Variants in BLTP1 observed in about 807,000 individuals in gnomAD.
BLTP1 encodes the protein bridge-like lipid transfer protein family member 1.
chr4:122,224,504 C>T, the BLTP1 span: 3 of 1,610,166 alleles, frequency 1.9e-6, no homozygotes, highest in East Asian at 4.5e-5. Context: ...TCAGCAGCGA[C>T]CCCCTGTGGA....
At chr4:122,274,994 G>A in the BLTP1 span, among the ~76,000 whole-genome samples, 4 of 152,052 alleles carry the variant, frequency 2.6e-5, no homozygotes, top group South Asian at 8.3e-4. Flanking sequence ...CTCAGACAGG[G>A]CCCATTCTCA....
the BLTP1 span, chr4:122,334,473 C>T: frequency 1.9e-6 from 3 of 1,612,754 alleles, no homozygotes; most frequent in South Asian, 3.3e-5. Flanking sequence ...TCCTCCTTCT[C>T]CTCCTTTACC....
the BLTP1 span, chr4:122,351,436 A>C: frequency 6.4e-6 from 1 of 156,890 alleles, no homozygotes; most frequent in African/African-American, 2.4e-5. Context: ...CCATTTTGCT[A>C]ATTATCTCCT....
the BLTP1 span, chr4:122,156,141 A>G: frequency 5.8e-6 from 1 of 173,352 alleles, no homozygotes; most frequent in African/African-American, 2.4e-5. Flanking sequence ...GGTCCATTAA[A>G]TCTGAGGCAT....
the BLTP1 span, chr4:122,189,244 C>T: frequency 6.5e-6 from 6 of 924,684 alleles, no homozygotes; most frequent in Non-Finnish European, 7.7e-6. Context: ...AAAAAAATTG[C>T]AAGTTTTTGC....
chr4:122,190,517 G>A, the BLTP1 span: 5 of 811,464 alleles, frequency 6.2e-6, no homozygotes, highest in Non-Finnish European at 7.4e-6. Context: ...GTAGATAAGA[G>A]TGAAAATATC....
the BLTP1 span, among the ~76,000 whole-genome samples, chr4:122,341,429 T>C: frequency 6.6e-6 from 1 of 152,222 alleles, no homozygotes; most frequent in Non-Finnish European, 1.5e-5. Flanking sequence ...GTGGTAAATA[T>C]ATGCCCATGC....
the BLTP1 span, chr4:122,309,354 T>C: frequency 6.2e-7 from 1 of 1,613,586 alleles, no homozygotes; most frequent in Non-Finnish European, 8.5e-7. Context: ...TCAGAGTCTC[T>C]GGTTAGCAAA....
At chr4:122,261,525 ATTCTGTAATTT>A in the BLTP1 span, 7 of 983,414 alleles carry the variant, frequency 7.1e-6, no homozygotes, top group Non-Finnish European at 8.5e-6. Flanking sequence ...AAATCGAAAA[ATTCTGTAATTT>A]TTAATTTTTT....
At chr4:122,342,372 T>C in the BLTP1 span, among the ~76,000 whole-genome samples, 4 of 151,668 alleles carry the variant, frequency 2.6e-5, no homozygotes, top group Admixed American at 6.6e-5. Context: ...ATTTTTTTTT[T>C]TGAGACTAAG....
the BLTP1 span, chr4:122,350,389 T>A: frequency 3.0e-6 from 3 of 985,052 alleles, no homozygotes; most frequent in Non-Finnish European, 3.6e-6. Flanking sequence ...AATATCTGAA[T>A]TTGGATTTAT....
the BLTP1 span, chr4:122,346,907 A>G: frequency 3.2e-5 from 44 of 1,376,912 alleles, no homozygotes; most frequent in Non-Finnish European, 3.9e-5. Context: ...TAATATGCCA[A>G]CCACAAGGGA....
the BLTP1 span, chr4:122,313,784 TA>T: frequency 2.9e-6 from 2 of 680,428 alleles, no homozygotes; most frequent in East Asian, 6.1e-5. Flanking sequence ...TGGTGTTCAC[TA>T]ATTTAAAAAA....
At chr4:122,274,463 AC>A in the BLTP1 span, 1 of 1,580,740 alleles carries the variant, frequency 6.3e-7, no homozygotes, top group East Asian at 2.3e-5. Context: ...TTATTTTCTT[AC>A]ACTTATAGTT....
At chr4:122,315,172 T>C in the BLTP1 span, among the ~76,000 whole-genome samples, 3 of 152,158 alleles carry the variant, frequency 2.0e-5, no homozygotes, top group Admixed American at 2.0e-4. Context: ...ATTAATTCTG[T>C]CTAATGAGCT....
chr4:122,216,532 C>T, the BLTP1 span, among the ~76,000 whole-genome samples: 13 of 152,182 alleles, frequency 8.5e-5, no homozygotes, highest in South Asian at 2.5e-3. Flanking sequence ...GAACATTTTT[C>T]GTATGTTTGT....
At chr4:122,175,726 A>G in the BLTP1 span, 31 of 634,466 alleles carry the variant, frequency 4.9e-5, no homozygotes, top group African/African-American at 3.0e-4. Flanking sequence ...ATGTATGCCA[A>G]TGTTCTTTTG....
the BLTP1 span, chr4:122,212,119 G>A: frequency 1.9e-5 from 18 of 970,754 alleles, no homozygotes; most frequent in Non-Finnish European, 2.1e-5. Flanking sequence ...GCACAATCAA[G>A]GTTTGTTAGT....
chr4:122,275,681 G>A, the BLTP1 span, among the ~76,000 whole-genome samples: 2 of 151,888 alleles, frequency 1.3e-5, no homozygotes, highest in African/African-American at 2.4e-5. Context: ...GATATTTCTT[G>A]CTCTTTTTTC....
Sources: allele counts gnomAD v4.1 joint callset (sites outside exome capture counted in the v4.1 genomes callset), GRCh38; gene constraint gnomAD v4.1.1; transcripts MANE v1.5; gene names NCBI Gene and HGNC (gene_info 2026-07-23, HGNC 2026-07-21).